Variants in ROR1 observed in about 807,000 individuals in gnomAD.
ROR1 encodes inactive tyrosine-protein kinase transmembrane receptor ROR1.
Under a neutral mutation model 78.8 loss-of-function variants are expected in ROR1, and 19 were observed. The ratio of observed to expected loss-of-function variants is 0.24; its 90% confidence interval spans 0.17 to 0.35. ROR1 has a LOEUF of 0.35. ROR1 is among the 10% of genes least tolerant of loss of function. The pLI is 1.00. For synonymous variants in ROR1, 386 were observed against 433.6 expected (o/e 0.89, Z 1.36); for missense variants, 917 against 1,177.8 (o/e 0.78, Z 3.24).
At chr1:63,890,695 G>A (rs1043986942) in intron 1 of ROR1, among the ~76,000 whole-genome samples, 1 of 152,026 alleles carries the variant, frequency 6.6e-6, no homozygotes, top group Non-Finnish European at 1.5e-5. Context: ...TGGGGTGGTG[G>A]TGGAGGAGTT....
intron 1 of ROR1, among the ~76,000 whole-genome samples, chr1:64,001,384 G>A (rs1646381674): frequency 6.6e-6 from 1 of 152,206 alleles, no homozygotes; most frequent in African/African-American, 2.4e-5. Flanking sequence ...GTTGCACACA[G>A]GAAATCTTTG....
intron 4 of ROR1, among the ~76,000 whole-genome samples, chr1:64,063,028 CAG>C (rs934755873): frequency 2.0e-5 from 3 of 152,216 alleles, no homozygotes; most frequent in Non-Finnish European, 2.9e-5. Flanking sequence ...TTACATGACA[CAG>C]GGGGTTTCTT....
Position 64,181,090 on chromosome 1 carries a change from T to G in ROR1, c.*2235T>G, listed in dbSNP as rs1378729895. 2.0e-5 allele frequency: 3 copies of G among 152,130 alleles called. No homozygotes were observed. The highest frequency in any genetic ancestry group is 4.4e-5 in the Non-Finnish European group (3 of 67,960). 9.4% of individuals were successfully genotyped at this position (152,130 alleles called of 1,614,324 possible). On this transcript the variant is annotated 3_prime_UTR_variant, in exon 9 of 9. Coordinates refer to ENST00000371079, the MANE Select transcript of ROR1 (RefSeq NM_005012.4). ...ATATCTTTTCCTTTGTTGACAATGT[T>G]TTGTAAGATGACTTTATTTTCAGAT...
chr1:64,047,758 A>T (rs1230445667), intron 2 of ROR1, among the ~76,000 whole-genome samples: 1 of 152,206 alleles, frequency 6.6e-6, no homozygotes, highest in Admixed American at 6.5e-5. Flanking sequence ...ACATTCGTGG[A>T]TTGAGTATAG....
At chr1:64,085,940 G>A (rs940072510) in intron 4 of ROR1, among the ~76,000 whole-genome samples, 2 of 152,202 alleles carry the variant, frequency 1.3e-5, no homozygotes, top group African/African-American at 4.8e-5. Flanking sequence ...AACGGGGCAT[G>A]TGCCGTTGGT....
chr1:63,988,982 G>T (rs1263213383), intron 1 of ROR1, among the ~76,000 whole-genome samples: 1 of 152,026 alleles, frequency 6.6e-6, no homozygotes, highest in East Asian at 1.9e-4. Context: ...ATTCTTTTGT[G>T]TATATATTCC....
At chr1:63,815,123 T>G (rs1644882827) in intron 1 of ROR1, among the ~76,000 whole-genome samples, 1 of 152,208 alleles carries the variant, frequency 6.6e-6, no homozygotes, top group Non-Finnish European at 1.5e-5. Flanking sequence ...CTATGATTTG[T>G]GGTTGGTCTT....
In ROR1 at chr1:63,992,396, T is replaced by C. The variant is rs1027269364; in HGVS notation, c.92-16909T>C. On this transcript the variant is annotated intron_variant, in intron 1 of 8. Transcript: ENST00000371079. ...TTAATTTTTGTATTTTTGGTAGGGA[T>C]GAGGTTTCACCATGTTGGCCAGGAT... Among the ~76,000 whole-genome samples the C allele has an allele frequency of 5.9e-5, 9 of 152,120 alleles. No homozygotes were observed. The South Asian group carries it at 6.2e-4, about 11-fold the overall frequency.
chr1:64,036,951 C>G (rs985259028), intron 2 of ROR1, among the ~76,000 whole-genome samples: 1 of 152,196 alleles, frequency 6.6e-6, no homozygotes, highest in African/African-American at 2.4e-5. Context: ...TCTGGAACAG[C>G]TGGGGCTGTT....
chr1:64,125,544 T>C (rs6694906), intron 4 of ROR1, among the ~76,000 whole-genome samples: 2,373 of 152,270 alleles, frequency 0.016, 58 homozygotes, highest in African/African-American at 0.054. Context: ...GATTCCGTAC[T>C]ACGAGCCCCA....
At chr1:63,788,854 C>A (rs899633636) in intron 1 of ROR1, 4 of 745,624 alleles carry the variant, frequency 5.4e-6, no homozygotes, top group Non-Finnish European at 9.4e-6. Context: ...GAGCTTCATG[C>A]GAGCCTTATC....
chr1:63,906,996 A>G (rs1406278833), intron 1 of ROR1, among the ~76,000 whole-genome samples: 1 of 152,232 alleles, frequency 6.6e-6, no homozygotes, highest in Non-Finnish European at 1.5e-5. Flanking sequence ...GGAAAACAAA[A>G]TGATCGCCCC....
In ROR1 at chr1:64,178,294, A is replaced by T. The variant is rs1169369955; in HGVS notation, c.2253A>T (p.Gly751=). The T allele has an allele frequency of 6.2e-7, 1 of 1,613,774 alleles. No homozygotes were observed. The highest frequency in any genetic ancestry group is 2.2e-5 in the East Asian group (1 of 44,854). ...ACGTCCGGCTTCGGTCCTGGGAGGG[A>T]CTCTCAAGTCACACAAGCTCTACTA... ...DIHVRLRSWE[G]LSSHTSSTTP... is the part of the protein sequence containing the mutation. Residue 751 remains glycine, a synonymous_variant, in exon 9 of 9, where the codon GGA becomes GGT. Coordinates refer to ENST00000371079, the MANE Select transcript of ROR1 (RefSeq NM_005012.4). The surrounding 1 kb of genome is among the most constrained non-coding windows in gnomAD (Gnocchi z 4.3).
intron 1 of ROR1, among the ~76,000 whole-genome samples, chr1:63,946,867 A>G (rs770333093): frequency 3.3e-5 from 5 of 152,184 alleles, no homozygotes; most frequent in Non-Finnish European, 7.3e-5. Flanking sequence ...GAGGTGGTGG[A>G]TACCACCACA....
At chr1:63,860,498 A>G (rs1403727403) in intron 1 of ROR1, among the ~76,000 whole-genome samples, 3 of 151,744 alleles carry the variant, frequency 2.0e-5, no homozygotes, top group Non-Finnish European at 4.4e-5. Context: ...AGGTGGGCAG[A>G]TCACGAGGTC....
chr1:64,152,870 T>A (rs1649667615), intron 7 of ROR1, among the ~76,000 whole-genome samples: 1 of 152,170 alleles, frequency 6.6e-6, no homozygotes, highest in South Asian at 2.1e-4. Context: ...ATTGACTGAT[T>A]AACACTATTA....
chr1:64,001,182 TG>T (rs1327187790), intron 1 of ROR1, among the ~76,000 whole-genome samples: 3 of 152,200 alleles, frequency 2.0e-5, no homozygotes. Context: ...GATTGATACA[TG>T]CAACAAAGTA....
At position 64,005,096 on chromosome 1, in the gene ROR1, T is replaced by C. The variant is rs147635505; in HGVS notation, c.92-4209T>C. Among the ~76,000 whole-genome samples the C allele has an allele frequency of 3.0e-4, 46 of 152,314 alleles. 1 individual carries two copies. The highest frequency in any genetic ancestry group is 1.1e-3 in the Admixed American group (17 of 15,306). On this transcript the variant is annotated intron_variant, in intron 1 of 8. Transcript: ENST00000371079. ...GCTTGGATTAGTGAGGCATGTGAAA[T>C]GCAGTGTCTTTCTAAGAGCATGGTA...
At chr1:63,919,488 CTT>C (rs10644304) in intron 1 of ROR1, among the ~76,000 whole-genome samples, 4,688 of 122,080 alleles carry the variant, frequency 0.038, 221 homozygotes, top group African/African-American at 0.13. Flanking sequence ...ATTGAATTGG[CTT>C]TTTTTTTTTT....
Sources: gnomAD v4.1 joint callset for allele counts (sites outside exome capture counted in the v4.1 genomes callset) on GRCh38, gnomAD v4.1.1 for gene constraint, Gnocchi (gnomAD v3.1) non-coding constraint, MANE v1.5 for transcripts, NCBI Gene and HGNC (gene_info 2026-07-23, HGNC 2026-07-21) for gene names.